SLC4A4: variants seen among roughly 807,000 people sequenced by gnomAD.
SLC4A4 encodes the protein electrogenic sodium bicarbonate cotransporter 1.
In SLC4A4, 27 loss-of-function variants were observed where a neutral mutation model predicts 111.5. The observed-to-expected ratio is 0.24, with a 90% CI of 0.18 to 0.33. SLC4A4 has a LOEUF of 0.33. Ranked by LOEUF, SLC4A4 falls within the 10% of genes least tolerant of loss-of-function variation. The pLI is 1.00. For synonymous variants in SLC4A4, 443 were observed against 463.4 expected (o/e 0.96, Z 0.57); for missense variants, 909 against 1,315.5 (o/e 0.69, Z 4.78).
intron 3 of SLC4A4, among the ~76,000 whole-genome samples, chr4:71,277,092 T>A (rs1723125702): frequency 6.6e-6 from 1 of 152,068 alleles, no homozygotes; most frequent in African/African-American, 2.4e-5. Context: ...CAAATAAAGC[T>A]GCTATGAACA....
chr4:71,469,488 A>G (rs1339392830), intron 13 of SLC4A4, among the ~76,000 whole-genome samples: 3 of 151,968 alleles, frequency 2.0e-5, no homozygotes, highest in Non-Finnish European at 4.4e-5. Flanking sequence ...CTGAGAAACT[A>G]TGACTCAAAA....
intron 17 of SLC4A4, among the ~76,000 whole-genome samples, chr4:71,532,644 T>G (rs905140894): frequency 3.3e-5 from 5 of 152,138 alleles, no homozygotes; most frequent in African/African-American, 1.2e-4. Flanking sequence ...TAGCTGGTGC[T>G]GTAGGCACAT....
intron 18 of SLC4A4, among the ~76,000 whole-genome samples, chr4:71,536,460 A>ATATATG (rs1364893628): frequency 1.9e-5 from 1 of 51,948 alleles, no homozygotes; most frequent in Admixed American, 2.2e-4. Flanking sequence ...ATATATACAT[A>ATATATG]TATACATATA....
At chr4:71,283,698 TG>T (rs1723703801) in intron 3 of SLC4A4, among the ~76,000 whole-genome samples, 1 of 152,208 alleles carries the variant, frequency 6.6e-6, no homozygotes, top group South Asian at 2.1e-4. Flanking sequence ...TTTACAGAAA[TG>T]GGAGACCAAA....
At chr4:71,375,831 C>A (rs1732299115) in intron 6 of SLC4A4, among the ~76,000 whole-genome samples, 1 of 151,922 alleles carries the variant, frequency 6.6e-6, no homozygotes, top group African/African-American at 2.4e-5. Context: ...TGCTTTCATG[C>A]TACAATGACG....
intron 7 of SLC4A4, among the ~76,000 whole-genome samples, chr4:71,420,869 C>T (rs1205493323): frequency 1.5e-4 from 22 of 149,818 alleles, no homozygotes; most frequent in East Asian, 7.8e-4. Context: ...CGGTACCAGC[C>T]GCTGCAAAAT....
chr4:71,273,376 G>A (rs1442199503), intron 3 of SLC4A4, among the ~76,000 whole-genome samples: 2 of 152,160 alleles, frequency 1.3e-5, no homozygotes, highest in Non-Finnish European at 2.9e-5. Context: ...GAATTCAGAA[G>A]AAGCATAATA....
At chr4:71,391,509 C>T (rs978085315) in intron 6 of SLC4A4, among the ~76,000 whole-genome samples, 5 of 151,960 alleles carry the variant, frequency 3.3e-5, no homozygotes, top group African/African-American at 1.2e-4. Flanking sequence ...TAAAGAATAA[C>T]AATGATTTTC....
chr4:71,515,710 A>G (rs1015917898), intron 16 of SLC4A4, among the ~76,000 whole-genome samples: 1 of 152,094 alleles, frequency 6.6e-6, no homozygotes, highest in Admixed American at 6.5e-5. Flanking sequence ...TGGTTGCTTT[A>G]TTTCATATAA....
rs73826256 is a variant in SLC4A4, at chr4:71,345,410, G to T, written c.390-4502G>T. Among the ~76,000 whole-genome samples the T allele has an allele frequency of 7.6e-3, 1,164 of 152,228 alleles. 16 individuals carry two copies. The highest frequency in any genetic ancestry group is 0.025 in the African/African-American group (1,026 of 41,526). ...TCTTCAGTGAATTTTCAGATGGACAGTGCTGGACTTAACCACTGTTGTATG... is the reference window on the plus strand; with the variant it reads ...TCTTCAGTGAATTTTCAGATGGACATTGCTGGACTTAACCACTGTTGTATG... On this transcript the variant is annotated intron_variant, in intron 4 of 25. Transcript: ENST00000264485.
intron 3 of SLC4A4, among the ~76,000 whole-genome samples, chr4:71,258,565 A>T (rs73826215): frequency 0.022 from 3,392 of 152,270 alleles, 104 homozygotes; most frequent in East Asian, 0.068. Flanking sequence ...TGTGTTTTTC[A>T]TACGTGTTTA....
chr4:71,320,375 G>T (rs1488009892), intron 3 of SLC4A4, among the ~76,000 whole-genome samples: 1 of 151,958 alleles, frequency 6.6e-6, no homozygotes, highest in African/African-American at 2.4e-5. Flanking sequence ...TCTGGCATTT[G>T]CACTGTGGCC....
chr4:71,184,014 T>C (rs74329460), upstream of SLC4A4, among the ~76,000 whole-genome samples: 5,395 of 152,198 alleles, frequency 0.035, 406 homozygotes, highest in Admixed American at 0.19. Flanking sequence ...AAAATCCAAA[T>C]ATAATAGTTA....
intron 2 of SLC4A4, among the ~76,000 whole-genome samples, chr4:71,155,617 C>T (rs569658658): frequency 3.8e-4 from 58 of 152,068 alleles, no homozygotes; most frequent in African/African-American, 4.6e-4. Flanking sequence ...TGCTGCATCA[C>T]GCCCAGCTAA....
intron 2 of SLC4A4, among the ~76,000 whole-genome samples, chr4:71,137,163 TA>T (rs1241446421): frequency 6.6e-6 from 1 of 152,046 alleles, no homozygotes; most frequent in Non-Finnish European, 1.5e-5. Context: ...AAGGAGAAAA[TA>T]ATTAGCTCCA....
chr4:71,213,706 C>T (rs142076157), intron 1 of SLC4A4, among the ~76,000 whole-genome samples: 13 of 152,214 alleles, frequency 8.5e-5, no homozygotes, highest in African/African-American at 3.1e-4. Context: ...GAAGTAAGAC[C>T]TTTGGGAGGT....
intron 3 of SLC4A4, among the ~76,000 whole-genome samples, chr4:71,307,832 G>T (rs920394241): frequency 6.6e-6 from 1 of 152,094 alleles, no homozygotes; most frequent in Non-Finnish European, 1.5e-5. Flanking sequence ...AAAAACCAAA[G>T]TGTCAAGATG....
intron 3 of SLC4A4, among the ~76,000 whole-genome samples, chr4:71,321,828 T>G (rs1727142805): frequency 1.3e-5 from 2 of 151,920 alleles, no homozygotes; most frequent in African/African-American, 4.8e-5. Context: ...TCCACTGAGT[T>G]TTGGATGGAA....
chr4:71,552,958 T>C (rs1235407916), intron 20 of SLC4A4, among the ~76,000 whole-genome samples: 2 of 151,906 alleles, frequency 1.3e-5, no homozygotes, highest in African/African-American at 4.8e-5. Flanking sequence ...GATTATTTTG[T>C]GATGAATTTT....
Sources: gnomAD v4.1 joint callset for allele counts (sites outside exome capture counted in the v4.1 genomes callset) on GRCh38, gnomAD v4.1.1 for gene constraint, MANE v1.5 for transcripts, NCBI Gene and HGNC (gene_info 2026-07-23, HGNC 2026-07-21) for gene names.